The following PPARGC1A variants were observed in gnomAD, a reference collection of about 807,000 sequenced individuals.
PPARGC1A encodes peroxisome proliferator-activated receptor gamma coactivator 1-alpha.
In PPARGC1A, 25 loss-of-function variants were observed where a neutral mutation model predicts 88.7. The observed-to-expected ratio is 0.28, with a 90% CI of 0.21 to 0.39. PPARGC1A has a LOEUF of 0.39. Among genes scored for constraint, PPARGC1A ranks in the 10% least tolerant of loss-of-function variants. The pLI, the probability that PPARGC1A is intolerant of heterozygous loss-of-function variation, is 1.00. For synonymous variants in PPARGC1A, 363 were observed against 355.6 expected (o/e 1.02, Z -0.24); for missense variants, 880 against 968.7 (o/e 0.91, Z 1.22).
chr4:24,106,038 T>C, the PPARGC1A span, among the ~76,000 whole-genome samples: 1,139 of 152,330 alleles, frequency 7.5e-3, 12 homozygotes, highest in African/African-American at 0.024. Context: ...GAAAAATAGC[T>C]ATTGATCAGT....
At chr4:24,171,067 T>A in the PPARGC1A span, among the ~76,000 whole-genome samples, 2 of 152,076 alleles carry the variant, frequency 1.3e-5, no homozygotes, top group Non-Finnish European at 2.9e-5. Flanking sequence ...ACAATCTTCA[T>A]GCCTATGTCC....
At chr4:24,443,298 G>A in the PPARGC1A span, among the ~76,000 whole-genome samples, 27 of 148,632 alleles carry the variant, frequency 1.8e-4, no homozygotes, top group Admixed American at 7.4e-4. Flanking sequence ...CTTCAGAACC[G>A]TAAAGAGTAG....
the PPARGC1A span, among the ~76,000 whole-genome samples, chr4:24,159,207 T>A: frequency 5.0e-5 from 5 of 99,254 alleles, no homozygotes; most frequent in Admixed American, 1.8e-4. Flanking sequence ...GAAATTAACC[T>A]TTTTTTTTTT....
chr4:24,137,723 C>A, the PPARGC1A span, among the ~76,000 whole-genome samples: 1 of 152,152 alleles, frequency 6.6e-6, no homozygotes, highest in Admixed American at 6.5e-5. Flanking sequence ...TGGCTTCTGG[C>A]CATGGGAAGA....
the PPARGC1A span, among the ~76,000 whole-genome samples, chr4:24,343,509 G>A: frequency 8.8e-3 from 1,341 of 152,116 alleles, 16 homozygotes; most frequent in African/African-American, 0.02. Flanking sequence ...ACTAAACATC[G>A]AACCTGCCAG....
the PPARGC1A span, among the ~76,000 whole-genome samples, chr4:24,279,278 T>C: frequency 6.6e-6 from 1 of 152,176 alleles, no homozygotes; most frequent in Non-Finnish European, 1.5e-5. Context: ...ATGAGAAGCC[T>C]TGAGTTGACT....
At chr4:24,046,894 CG>C in the PPARGC1A span, among the ~76,000 whole-genome samples, 1 of 152,164 alleles carries the variant, frequency 6.6e-6, no homozygotes, top group African/African-American at 2.4e-5. Context: ...TAGCAAATGG[CG>C]GGCCCATGAG....
the PPARGC1A span, among the ~76,000 whole-genome samples, chr4:24,436,967 C>A: frequency 6.6e-6 from 1 of 152,254 alleles, no homozygotes; most frequent in Non-Finnish European, 1.5e-5. Flanking sequence ...GGCGGGCTGG[C>A]TCTAGGGAGA....
intron 12 of PPARGC1A, among the ~76,000 whole-genome samples, chr4:23,798,335 C>A (rs1447539810): frequency 6.6e-6 from 1 of 152,172 alleles, no homozygotes. Flanking sequence ...AATCACATCA[C>A]ACTTATATTC....
the PPARGC1A span, among the ~76,000 whole-genome samples, chr4:24,033,631 T>C: frequency 6.6e-6 from 1 of 151,940 alleles, no homozygotes; most frequent in Admixed American, 6.6e-5. Context: ...TTTACTAGCA[T>C]TGAATTCAAT....
At chr4:23,888,822 G>T in intron 1 of PPARGC1A, 1 of 470,678 alleles carries the variant, frequency 2.1e-6, no homozygotes, top group Non-Finnish European at 2.8e-6. Context: ...GTGTGGGCTT[G>T]ATCCTCCCCC....
At chr4:23,839,408 A>G (rs1436359025) in intron 2 of PPARGC1A, among the ~76,000 whole-genome samples, 1 of 152,184 alleles carries the variant, frequency 6.6e-6, no homozygotes, top group Non-Finnish European at 1.5e-5. Context: ...TGTGCCATCA[A>G]ACTGGAGACT....
At chr4:24,177,338 C>G in the PPARGC1A span, among the ~76,000 whole-genome samples, 1 of 151,904 alleles carries the variant, frequency 6.6e-6, no homozygotes, top group African/African-American at 2.4e-5. Flanking sequence ...AAGCTGGAAA[C>G]CATCATTCTC....
At chr4:23,845,515 G>A (rs1479989315) in intron 2 of PPARGC1A, among the ~76,000 whole-genome samples, 2 of 152,094 alleles carry the variant, frequency 1.3e-5, no homozygotes, top group East Asian at 3.9e-4. Flanking sequence ...AGAGAAAATT[G>A]TCTCAAGGTG....
the PPARGC1A span, among the ~76,000 whole-genome samples, chr4:24,402,734 G>T: frequency 1.3e-5 from 2 of 152,182 alleles, no homozygotes; most frequent in East Asian, 1.9e-4. Context: ...GGAGACAGAG[G>T]TTCCAAATCT....
the PPARGC1A span, among the ~76,000 whole-genome samples, chr4:23,993,319 A>G: frequency 6.6e-6 from 1 of 152,118 alleles, no homozygotes; most frequent in Non-Finnish European, 1.5e-5. Flanking sequence ...AGAAAAGTAG[A>G]TTTAACCCCT....
intron 2 of PPARGC1A, among the ~76,000 whole-genome samples, chr4:23,843,914 A>T (rs895115818): frequency 6.6e-6 from 1 of 152,012 alleles, no homozygotes; most frequent in Non-Finnish European, 1.5e-5. Context: ...GACCAATATC[A>T]TATTTACAGA....
At chr4:23,929,239 G>A in the PPARGC1A span, among the ~76,000 whole-genome samples, 3 of 152,304 alleles carry the variant, frequency 2.0e-5, no homozygotes, top group African/African-American at 7.2e-5. Context: ...TAGAACACCA[G>A]TCTATAAAGG....
the PPARGC1A span, among the ~76,000 whole-genome samples, chr4:24,278,029 G>A: frequency 6.6e-6 from 1 of 152,028 alleles, no homozygotes; most frequent in Non-Finnish European, 1.5e-5. Flanking sequence ...TTGAAAATAA[G>A]ACCGGCGTGG....
Sources: allele counts gnomAD v4.1 joint callset (sites outside exome capture counted in the v4.1 genomes callset), GRCh38; gene constraint gnomAD v4.1.1; transcripts MANE v1.5; gene names NCBI Gene and HGNC (gene_info 2026-07-23, HGNC 2026-07-21).